Variants in PCSK6 observed in about 807,000 individuals in gnomAD.
PCSK6 encodes the protein proprotein convertase subtilisin/kexin type 6.
PCSK6 carries 85 observed loss-of-function variants against 123.3 expected under a neutral mutation model. That is an observed-to-expected ratio of 0.69 (90% confidence interval 0.58 to 0.83). PCSK6 has a LOEUF of 0.83. PCSK6 is among the 40% of genes least tolerant of loss of function. The probability of loss-of-function intolerance (pLI) is 0.00; values close to 1 mark genes in which losing one functional copy is unlikely to be tolerated. For missense variants in PCSK6, 1,191 were observed against 1,282.3 expected (o/e 0.93, Z 1.09); for synonymous variants, 508 against 516.0 (o/e 0.98, Z 0.21).
chr15:101,484,791 T>C (rs2057980255), intron 1 of PCSK6, among the ~76,000 whole-genome samples: 1 of 152,246 alleles, frequency 6.6e-6, no homozygotes, highest in Non-Finnish European at 1.5e-5. Flanking sequence ...TGTATCTGTG[T>C]AGATATAGAT....
intron 20 of PCSK6, among the ~76,000 whole-genome samples, chr15:101,309,910 G>T (rs1240861964): frequency 6.6e-6 from 1 of 151,686 alleles, no homozygotes; most frequent in Non-Finnish European, 1.5e-5. Context: ...GAACTTATCA[G>T]GCATTGTTCT....
chr15:101,379,433 C>G (rs3784492), intron 11 of PCSK6, among the ~76,000 whole-genome samples: 121,965 of 152,178 alleles, frequency 0.8, 49,535 homozygotes, highest in South Asian at 0.94. Context: ...TTTGGTCACA[C>G]CAGGGTAGCA....
intron 1 of PCSK6, among the ~76,000 whole-genome samples, chr15:101,447,220 A>C (rs7181043): frequency 0.3 from 45,882 of 151,980 alleles, 8,433 homozygotes; most frequent in Non-Finnish European, 0.42. Context: ...CTGTTCCTTC[A>C]CATCTCTGGG....
intron 13 of PCSK6, chr15:101,365,693 G>A (rs2041366624): frequency 6.5e-6 from 1 of 153,164 alleles, no homozygotes; most frequent in African/African-American, 2.4e-5. Context: ...AACAAAATGT[G>A]ATCAATCCGT....
chr15:101,327,174 G>A (rs2040274739), intron 15 of PCSK6, among the ~76,000 whole-genome samples: 1 of 152,200 alleles, frequency 6.6e-6, no homozygotes, highest in Non-Finnish European at 1.5e-5. Context: ...CCCTTGGTGG[G>A]ACGGCAGCTG....
At chr15:101,459,517 C>T (rs911783945) in intron 1 of PCSK6, among the ~76,000 whole-genome samples, 1 of 146,236 alleles carries the variant, frequency 6.8e-6, no homozygotes, top group African/African-American at 2.5e-5. Flanking sequence ...CCCGTCCCCC[C>T]ACCCTAAGTC....
chr15:101,358,155 C>A (rs997569527), intron 13 of PCSK6, among the ~76,000 whole-genome samples: 13 of 152,140 alleles, frequency 8.5e-5, no homozygotes, highest in Admixed American at 2.6e-4. Context: ...GGGAGCAAGG[C>A]CAGCCCTGAG....
At chr15:101,354,900 C>A (rs980548173) in intron 13 of PCSK6, among the ~76,000 whole-genome samples, 2 of 152,220 alleles carry the variant, frequency 1.3e-5, no homozygotes, top group Non-Finnish European at 1.5e-5. Flanking sequence ...GCAAGAATAA[C>A]TTTTCCTGAA....
At chr15:101,384,165 T>C (rs2041990767) in intron 10 of PCSK6, 157 bp downstream of exon 10, 2 of 1,429,780 alleles carry the variant, frequency 1.4e-6, no homozygotes, top group Non-Finnish European at 1.8e-6. Flanking sequence ...TCCGGGATAC[T>C]TTTCTTAAAT....
At chr15:101,316,872 TA>T (rs2040000678) in intron 19 of PCSK6, among the ~76,000 whole-genome samples, 1 of 149,744 alleles carries the variant, frequency 6.7e-6, no homozygotes, top group African/African-American at 2.5e-5. Flanking sequence ...TGAGGCACAG[TA>T]GTATCATGGA....
At chr15:101,445,605 A>T (rs2056868398) in intron 1 of PCSK6, among the ~76,000 whole-genome samples, 1 of 151,992 alleles carries the variant, frequency 6.6e-6, no homozygotes, top group African/African-American at 2.4e-5. Flanking sequence ...GCTCCTCCTC[A>T]CCCGCACTAG....
chr15:101,338,840 C>T (rs906069676), intron 13 of PCSK6, among the ~76,000 whole-genome samples: 1 of 152,206 alleles, frequency 6.6e-6, no homozygotes, highest in Non-Finnish European at 1.5e-5. Flanking sequence ...CAGATGTCAA[C>T]AATGAAGGCC....
chr15:101,431,913 G>T, intron 3 of PCSK6, 77 bp downstream of exon 3: 1 of 1,022,844 alleles, frequency 9.8e-7, no homozygotes, highest in Admixed American at 2.0e-5. Flanking sequence ...ATTTAGCTTT[G>T]TTGAGGGAAA....
At chr15:101,432,459 CAAAAA>C (rs56385883) in intron 2 of PCSK6, among the ~76,000 whole-genome samples, 3 of 117,352 alleles carry the variant, frequency 2.6e-5, no homozygotes, top group Admixed American at 8.8e-5. Flanking sequence ...CCCACCTCTC[CAAAAA>C]AAAAAAAAAA....
At chr15:101,366,576 A>AAGGC (rs1018891035) in intron 12 of PCSK6, among the ~76,000 whole-genome samples, 4 of 152,134 alleles carry the variant, frequency 2.6e-5, no homozygotes, top group Admixed American at 6.5e-5. Context: ...TTCTGAGAGG[A>AAGGC]AGGCAGGCAG....
intron 13 of PCSK6, among the ~76,000 whole-genome samples, chr15:101,362,461 C>T (rs1596234001): frequency 6.6e-6 from 1 of 152,212 alleles, no homozygotes; most frequent in East Asian, 1.9e-4. Context: ...GGATGAGATC[C>T]CTGGATGGGA....
intron 10 of PCSK6, among the ~76,000 whole-genome samples, chr15:101,382,888 C>T (rs905833581): frequency 6.6e-6 from 1 of 152,196 alleles, no homozygotes; most frequent in African/African-American, 2.4e-5. Context: ...CTACCACCGA[C>T]ATTCCTGCAA....
intron 15 of PCSK6, among the ~76,000 whole-genome samples, chr15:101,330,928 G>C (rs748123385): frequency 6.6e-6 from 1 of 152,172 alleles, no homozygotes; most frequent in Non-Finnish European, 1.5e-5. Flanking sequence ...TTTTCCATTT[G>C]TTATTTGTTT....
intron 13 of PCSK6, among the ~76,000 whole-genome samples, chr15:101,344,278 A>T (rs2040683556): frequency 6.6e-6 from 1 of 152,104 alleles, no homozygotes; most frequent in African/African-American, 2.4e-5. Flanking sequence ...TTCTCTTTGT[A>T]GTTTTAACAA....
Sources: gnomAD v4.1 joint callset for allele counts (sites outside exome capture counted in the v4.1 genomes callset) on GRCh38, gnomAD v4.1.1 for gene constraint, MANE v1.5 for transcripts, NCBI Gene and HGNC (gene_info 2026-07-23, HGNC 2026-07-21) for gene names.